AFF3: variants seen among roughly 807,000 people sequenced by gnomAD.
The protein encoded by AFF3 is ALF transcription elongation factor 3, also known as AF4/FMR2 family member 3.
Under a neutral mutation model 129.7 loss-of-function variants are expected in AFF3, and 32 were observed. The observed-to-expected ratio is 0.25, with a 90% CI of 0.19 to 0.33. The LOEUF (loss-of-function observed/expected upper bound fraction) is 0.33. Ranked by LOEUF, AFF3 falls within the 10% of genes least tolerant of loss-of-function variation. The probability of loss-of-function intolerance (pLI) is 1.00; values close to 1 mark genes in which losing one functional copy is unlikely to be tolerated. For synonymous variants in AFF3, 644 were observed against 635.4 expected (o/e 1.01, Z -0.20); for missense variants, 1,373 against 1,592.0 (o/e 0.86, Z 2.34).
chr2:99,743,176 A>G (rs1680858991), intron 10 of AFF3, among the ~76,000 whole-genome samples: 1 of 152,160 alleles, frequency 6.6e-6, no homozygotes, highest in East Asian at 1.9e-4. Context: ...TGGGATAATT[A>G]AGTGATATTG....
At chr2:99,627,551 T>TA (rs1337989945) in intron 13 of AFF3, among the ~76,000 whole-genome samples, 1 of 152,240 alleles carries the variant, frequency 6.6e-6, no homozygotes, top group Non-Finnish European at 1.5e-5. Flanking sequence ...ATGGTTTCTT[T>TA]TGCTGTGCAG....
At chr2:100,110,897 G>A (rs1476300602) in intron 2 of AFF3, among the ~76,000 whole-genome samples, 3 of 152,222 alleles carry the variant, frequency 2.0e-5, no homozygotes, top group African/African-American at 7.2e-5. Context: ...ATATGACTTA[G>A]TTCTGGCCAA....
chr2:99,698,272 A>T (rs1246700804), intron 11 of AFF3, among the ~76,000 whole-genome samples: 1 of 152,234 alleles, frequency 6.6e-6, no homozygotes, highest in Non-Finnish European at 1.5e-5. Context: ...GGATAGCTCC[A>T]TATCTTCCAG....
intron 7 of AFF3, among the ~76,000 whole-genome samples, chr2:99,941,281 G>A (rs1397730298): frequency 6.6e-6 from 1 of 152,204 alleles, no homozygotes; most frequent in Non-Finnish European, 1.5e-5. Flanking sequence ...TCATAGGACA[G>A]CAGGGATTCT....
chr2:100,018,117 T>C (rs1028900496), intron 4 of AFF3, among the ~76,000 whole-genome samples: 8 of 152,116 alleles, frequency 5.3e-5, no homozygotes, highest in African/African-American at 1.9e-4. Flanking sequence ...GACACAGCAC[T>C]AGCAGTGAAC....
At chr2:99,803,580 A>G (rs1027128129) in intron 8 of AFF3, among the ~76,000 whole-genome samples, 7 of 152,202 alleles carry the variant, frequency 4.6e-5, no homozygotes, top group Non-Finnish European at 8.8e-5. Flanking sequence ...AATAAAAAAA[A>G]TCCTAATATT....
At chr2:100,022,604 G>T (rs1313076677) in intron 4 of AFF3, among the ~76,000 whole-genome samples, 1 of 152,068 alleles carries the variant, frequency 6.6e-6, no homozygotes, top group African/African-American at 2.4e-5. Flanking sequence ...TAGAGATGGG[G>T]TTTTGCCATG....
At chr2:99,956,982 C>A (rs553309307) in intron 7 of AFF3, among the ~76,000 whole-genome samples, 1 of 152,190 alleles carries the variant, frequency 6.6e-6, no homozygotes, top group South Asian at 2.1e-4. Context: ...ATGGAAGATT[C>A]GGCAGAAACA....
At chr2:99,783,339 CA>C (rs1408542315) in intron 8 of AFF3, among the ~76,000 whole-genome samples, 1 of 152,172 alleles carries the variant, frequency 6.6e-6, no homozygotes, top group East Asian at 1.9e-4. Context: ...CTGCCTATCC[CA>C]AGGGGCTGAC....
intron 4 of AFF3, among the ~76,000 whole-genome samples, chr2:100,065,252 T>C (rs1282579894): frequency 6.6e-6 from 1 of 152,156 alleles, no homozygotes; most frequent in Non-Finnish European, 1.5e-5. Flanking sequence ...AAAAGAGCAA[T>C]AAATTTTTTT....
In AFF3 at chr2:100,024,104, C is replaced by T. The variant is rs992628582; in HGVS notation, c.54-15172G>A. 6.6e-5 allele frequency among the ~76,000 whole-genome samples: 10 copies of T among 151,380 alleles called. No individual in the cohort carries two copies. In the South Asian group the frequency reaches 1.0e-3, roughly 16 times the overall value. On this transcript the variant is annotated intron_variant, in intron 4 of 24. Coordinates refer to ENST00000672756, the MANE Select transcript of AFF3 (RefSeq NM_001386135.1). ...AAAATTAGCCGGGCGTGGTGGCGGGCGCCTGTAGTCCCAGCTACTCGGGAG... is the reference window on the plus strand; with the variant it reads ...AAAATTAGCCGGGCGTGGTGGCGGGTGCCTGTAGTCCCAGCTACTCGGGAG...
intron 7 of AFF3, among the ~76,000 whole-genome samples, chr2:99,909,350 G>T (rs993759479): frequency 2.2e-5 from 3 of 137,572 alleles, no homozygotes; most frequent in African/African-American, 8.1e-5. Flanking sequence ...GGTGAGGGGA[G>T]GGGGGAGGGA....
At chr2:99,988,349 C>T (rs931743205) in intron 7 of AFF3, among the ~76,000 whole-genome samples, 1 of 152,116 alleles carries the variant, frequency 6.6e-6, no homozygotes. Context: ...AGCATGGAGG[C>T]CTGCAAAGTG....
At chr2:99,967,601 CATGGAA>C (rs1276261010) in intron 7 of AFF3, among the ~76,000 whole-genome samples, 2 of 152,144 alleles carry the variant, frequency 1.3e-5, no homozygotes, top group Non-Finnish European at 2.9e-5. Flanking sequence ...GCATTTACGC[CATGGAA>C]ACTGGCAAAC....
chr2:99,722,605 G>T (rs1419050260), intron 11 of AFF3, among the ~76,000 whole-genome samples: 4 of 152,120 alleles, frequency 2.6e-5, no homozygotes, highest in Admixed American at 1.3e-4. Flanking sequence ...AACTTTGTAG[G>T]CAGTAGCTGT....
At chr2:99,950,777 T>C (rs956625968) in intron 7 of AFF3, among the ~76,000 whole-genome samples, 1 of 152,224 alleles carries the variant, frequency 6.6e-6, no homozygotes. Flanking sequence ...AACTGTGTAT[T>C]ATTTATGTTT....
Position 99,548,765 on chromosome 2 carries a change from A to T in AFF3, c.*2709T>A, listed in dbSNP as rs1403521826. On this transcript the variant is annotated 3_prime_UTR_variant, in exon 25 of 25. Transcript: ENST00000672756. ...CTCAAAACCAACCAAACCAACAACA[A>T]CAGCAGTAACAACAAAACTAAGTAA... The T allele has an allele frequency of 3.5e-5, 8 of 230,978 alleles. 1 individual carries two copies. The highest frequency in any genetic ancestry group is 1.8e-4 in the African/African-American group (8 of 45,204). 14.3% of individuals were successfully genotyped at this position (230,978 alleles called of 1,614,324 possible).
At position 100,021,352 on chromosome 2, in the gene AFF3, G is replaced by A. The variant is rs1189561262; in HGVS notation, c.54-12420C>T. On this transcript the variant is annotated intron_variant, in intron 4 of 24. Coordinates refer to ENST00000672756, the MANE Select transcript of AFF3 (RefSeq NM_001386135.1). ...CAACCTGGTTCTCCTTTTACACACT[G>A]GCACAGAGTGGGCACTGAATAAAAC... 2.0e-5 allele frequency among the ~76,000 whole-genome samples: 3 copies of A among 152,100 alleles called. 1 individual carries two copies. The highest frequency in any genetic ancestry group is 2.0e-4 in the Admixed American group (3 of 15,278).
chr2:99,884,046 T>C (rs1002108762), intron 7 of AFF3, among the ~76,000 whole-genome samples: 3 of 152,232 alleles, frequency 2.0e-5, no homozygotes, highest in Admixed American at 6.5e-5. Flanking sequence ...TGCCTCATTT[T>C]ACCCACTGTG....
Sources: gnomAD v4.1 joint callset for allele counts (sites outside exome capture counted in the v4.1 genomes callset) on GRCh38, gnomAD v4.1.1 for gene constraint, MANE v1.5 for transcripts, NCBI Gene and HGNC (gene_info 2026-07-23, HGNC 2026-07-21) for gene names.